Variants in DSCAM observed in about 807,000 individuals in gnomAD.
DSCAM encodes the protein cell adhesion molecule DSCAM.
In DSCAM, 47 loss-of-function variants were observed where a neutral mutation model predicts 217.7. The ratio of observed to expected loss-of-function variants is 0.22; its 90% CI spans 0.17 to 0.28. DSCAM has a LOEUF of 0.28. DSCAM is among the 10% of genes least tolerant of loss of function. The probability of loss-of-function intolerance (pLI) is 1.00; values close to 1 mark genes in which losing one functional copy is unlikely to be tolerated. For missense variants in DSCAM, 2,080 were observed against 2,618.3 expected (o/e 0.79, Z 4.49); for synonymous variants, 1,056 against 1,015.3 (o/e 1.04, Z -0.76).
intron 3 of DSCAM, among the ~76,000 whole-genome samples, chr21:40,565,389 C>G (rs931210094): frequency 6.6e-6 from 1 of 152,186 alleles, no homozygotes; most frequent in African/African-American, 2.4e-5. Context: ...TTTGAGCTGA[C>G]TCTAGCCTAT....
chr21:40,626,935 T>C (rs1275658249), intron 3 of DSCAM, among the ~76,000 whole-genome samples: 1 of 152,240 alleles, frequency 6.6e-6, no homozygotes, highest in African/African-American at 2.4e-5. Context: ...GAAAGCATCT[T>C]GAGTTTATGG....
intron 19 of DSCAM, among the ~76,000 whole-genome samples, chr21:40,128,084 G>T (rs906031999): frequency 6.6e-6 from 1 of 151,504 alleles, no homozygotes; most frequent in Non-Finnish European, 1.5e-5. Context: ...CCATGTCTCT[G>T]TTGAGACTCT....
intron 3 of DSCAM, among the ~76,000 whole-genome samples, chr21:40,423,784 G>A (rs949847107): frequency 2.0e-5 from 3 of 152,096 alleles, no homozygotes; most frequent in African/African-American, 7.2e-5. Flanking sequence ...TAACACATGT[G>A]GGCCATGATC....
chr21:40,347,298 C>CAAAAAAAAAAAAA (rs796531226), intron 6 of DSCAM, among the ~76,000 whole-genome samples: 1 of 79,416 alleles, frequency 1.3e-5, no homozygotes, highest in Non-Finnish European at 2.6e-5. Context: ...AACTCCATCT[C>CAAAAAAAAAAAAA]AAAAAAAAAA....
chr21:40,466,609 T>G (rs1469311168), intron 3 of DSCAM, among the ~76,000 whole-genome samples: 2 of 152,186 alleles, frequency 1.3e-5, no homozygotes, highest in Non-Finnish European at 2.9e-5. Context: ...TTTTGTTTTT[T>G]CAGCTTCCGT....
intron 3 of DSCAM, among the ~76,000 whole-genome samples, chr21:40,380,788 G>T (rs1358351704): frequency 6.6e-6 from 1 of 152,214 alleles, no homozygotes; most frequent in Non-Finnish European, 1.5e-5. Flanking sequence ...CTGAGGCCGG[G>T]CGCGGTGGCT....
At chr21:40,380,539 C>T (rs2075009445) in intron 3 of DSCAM, among the ~76,000 whole-genome samples, 1 of 152,070 alleles carries the variant, frequency 6.6e-6, no homozygotes, top group South Asian at 2.1e-4. Context: ...AATTGAGAAA[C>T]AGAAGTTGAC....
chr21:40,031,623 A>C (rs750779666), intron 32 of DSCAM, among the ~76,000 whole-genome samples: 11 of 151,036 alleles, frequency 7.3e-5, no homozygotes, highest in Admixed American at 1.3e-4. Context: ...ATGGTCAGTC[A>C]CCACCTACAC....
chr21:40,236,229 G>C (rs1446383265), intron 11 of DSCAM, among the ~76,000 whole-genome samples: 1 of 152,188 alleles, frequency 6.6e-6, no homozygotes, highest in Non-Finnish European at 1.5e-5. Context: ...GATATGCCAA[G>C]CACTGAGCCC....
chr21:40,649,127 C>T (rs1263580200), intron 3 of DSCAM, among the ~76,000 whole-genome samples: 1 of 152,184 alleles, frequency 6.6e-6, no homozygotes, highest in East Asian at 1.9e-4. Flanking sequence ...AGTCATCAGG[C>T]CAGTGCACTA....
At chr21:40,637,368 AAT>A (rs1475756140) in intron 3 of DSCAM, among the ~76,000 whole-genome samples, 11 of 27,142 alleles carry the variant, frequency 4.1e-4, no homozygotes, top group Non-Finnish European at 5.7e-4. Flanking sequence ...TATATATATA[AAT>A]ATATATAAAT....
rs921114912 is a variant in DSCAM at position 40,226,656 on chromosome 21, C to A, written c.2357-37418G>T. ...AAAGTCATTCTCTAATGTTTAGAGA[C>A]CTCTTTCAAGAACAGCAATATAGAT... On this transcript the variant is annotated intron_variant, in intron 11 of 32. Transcript: ENST00000400454. 2.6e-5 allele frequency among the ~76,000 whole-genome samples: 4 copies of A among 152,166 alleles called. No individual in the cohort carries two copies. The East Asian group carries it at 7.7e-4, about 29-fold the overall frequency.
chr21:40,276,325 G>A (rs2073687222), intron 10 of DSCAM, 55 bp from the exon 11 acceptor site: 1 of 1,507,886 alleles, frequency 6.6e-7, no homozygotes, highest in African/African-American at 1.4e-5. Flanking sequence ...AGTATGGGAA[G>A]ACAACGAGTT....
chr21:40,318,094 C>A (rs1183576428), intron 8 of DSCAM, among the ~76,000 whole-genome samples: 2 of 147,330 alleles, frequency 1.4e-5, no homozygotes, highest in Non-Finnish European at 3.0e-5. Flanking sequence ...GACAAAAAAC[C>A]AAACACCGCA....
chr21:40,634,187 A>C lies in DSCAM; in HGVS notation c.508+58623T>G, dbSNP rs57847139. ...TAAAAGCACAAGAGTTACATTTAAG[A>C]ACTTTCAAAACACAGAAAGTTTGAA... On this transcript the variant is annotated intron_variant, in intron 3 of 32. Transcript: ENST00000400454. 2.1e-3 allele frequency among the ~76,000 whole-genome samples: 320 copies of C among 152,304 alleles called. 10 individuals are homozygous for C. The East Asian group carries it at 0.054, about 26-fold the overall frequency.
chr21:40,721,893 A>G (rs1397575206), intron 1 of DSCAM, among the ~76,000 whole-genome samples: 1 of 152,160 alleles, frequency 6.6e-6, no homozygotes, highest in Non-Finnish European at 1.5e-5. Flanking sequence ...TCCAACATAA[A>G]GAAAAAAACT....
intron 3 of DSCAM, among the ~76,000 whole-genome samples, chr21:40,485,489 G>T (rs1046112236): frequency 6.6e-6 from 1 of 151,798 alleles, no homozygotes; most frequent in South Asian, 2.1e-4. Flanking sequence ...TGATCCGCCC[G>T]CCTCGGCCTC....
At position 40,085,516 on chromosome 21, in the gene DSCAM, G is replaced by T. The variant is rs1049831417; in HGVS notation, c.4132+86C>A. 2.0e-5 allele frequency: 25 copies of T among 1,238,606 alleles called. No individual in the cohort carries two copies. In the African/African-American group the frequency reaches 2.1e-4, roughly 11 times the overall value. 76.7% of individuals were successfully genotyped at this position (1,238,606 alleles called of 1,614,324 possible). A position where few individuals can be genotyped will look rare whatever the true frequency, so the allele number is the denominator to read the frequency against. ...CAGAAGTTAGCTCTTTATAAGGGCT[G>T]ATTTTAAAATTTGTTCAGTGCTACT... On this transcript the variant is annotated intron_variant, in intron 23 of 32. Transcript: ENST00000400454.
intron 1 of DSCAM, among the ~76,000 whole-genome samples, chr21:40,759,779 C>T (rs1485632749): frequency 1.3e-5 from 2 of 152,146 alleles, no homozygotes; most frequent in African/African-American, 4.8e-5. Context: ...CATTGCACAG[C>T]CTGGGGTGCC....
Sources: gnomAD v4.1 joint callset for allele counts (sites outside exome capture counted in the v4.1 genomes callset) on GRCh38, gnomAD v4.1.1 for gene constraint, MANE v1.5 for transcripts, NCBI Gene and HGNC (gene_info 2026-07-23, HGNC 2026-07-21) for gene names.